Variants in SV2C observed in about 807,000 individuals in gnomAD.
SV2C encodes solute carrier family 22 member B3.
A neutral mutation model predicts 79.7 loss-of-function variants in SV2C; 49 were observed. The ratio of observed to expected loss-of-function variants is 0.61; its 90% CI spans 0.49 to 0.78. SV2C has a LOEUF of 0.78. Among genes scored for constraint, SV2C ranks in the 30% least tolerant of loss-of-function variants. The pLI is 0.00. For synonymous variants in SV2C, 334 were observed against 333.2 expected, an observed-to-expected ratio of 1.00 and a Z score of -0.03; for missense variants, 833 against 912.9, an observed-to-expected ratio of 0.91 and a Z score of 1.13.
the SV2C span, among the ~76,000 whole-genome samples, chr5:76,058,991 C>T: frequency 2.0e-5 from 3 of 152,032 alleles, no homozygotes; most frequent in African/African-American, 4.8e-5. Context: ...GAATCACGTA[C>T]ATTTTTTGGT....
At chr5:76,296,065 A>AT (rs1215235308) in intron 9 of SV2C, 123 bp downstream of exon 9, 1 of 898,274 alleles carries the variant, frequency 1.1e-6, no homozygotes, top group African/African-American at 1.7e-5. Context: ...ACATTTAGTC[A>AT]TTTTCATGAT....
chr5:75,934,302 C>CTTT, the SV2C span, among the ~76,000 whole-genome samples: 89 of 107,832 alleles, frequency 8.3e-4, 6 homozygotes, highest in Middle Eastern at 4.9e-3. Context: ...TTCTTTCTTT[C>CTTT]TTTTTTTTTT....
chr5:76,241,840 T>C (rs1233401447), intron 4 of SV2C, among the ~76,000 whole-genome samples: 1 of 152,210 alleles, frequency 6.6e-6, no homozygotes, highest in African/African-American at 2.4e-5. Flanking sequence ...GGAGACATTC[T>C]ATTAGCGACA....
At chr5:75,882,720 C>T in the SV2C span, among the ~76,000 whole-genome samples, 2 of 151,890 alleles carry the variant, frequency 1.3e-5, no homozygotes, top group Non-Finnish European at 2.9e-5. Flanking sequence ...AAACTGGATC[C>T]CTTCCTTACA....
the SV2C span, among the ~76,000 whole-genome samples, chr5:75,878,772 C>T: frequency 0.023 from 3,434 of 152,184 alleles, 136 homozygotes; most frequent in African/African-American, 0.075. Flanking sequence ...TGCTGAGTTC[C>T]GATCCTCACT....
Position 76,301,448 on chromosome 5 carries a change from A to G in SV2C, c.1903A>G (p.Met635Val), listed in dbSNP as rs757781864. The G allele has an allele frequency of 6.2e-7, 1 of 1,614,102 alleles. No individual in the cohort carries two copies. The highest frequency in any genetic ancestry group is 1.7e-5 in the Admixed American group (1 of 60,028). Residue 635 changes from methionine to valine, a missense_variant, in exon 12 of 13, where the codon ATG becomes GTG. Transcript: ENST00000502798. ...FFLWFGTSESMMIGMLCLYNG... is the reference protein window; with the variant it reads ...FFLWFGTSESVMIGMLCLYNG... ...CCTTTGGTTCGGCACCAGTGAATCC[A>G]TGATGATAGGCATGCTGTGTCTGTA...
the SV2C span, among the ~76,000 whole-genome samples, chr5:76,033,253 T>G: frequency 5.3e-4 from 80 of 151,892 alleles, no homozygotes; most frequent in East Asian, 7.3e-3. Context: ...TTAGTTTAAT[T>G]AGATCCCATT....
chr5:75,855,840 T>C, the SV2C span, among the ~76,000 whole-genome samples: 1 of 152,196 alleles, frequency 6.6e-6, no homozygotes, highest in Non-Finnish European at 1.5e-5. Context: ...AAATGGACAA[T>C]TAAATTATTA....
chr5:76,278,249 A>C (rs1451078141), intron 4 of SV2C, among the ~76,000 whole-genome samples: 1 of 151,832 alleles, frequency 6.6e-6, no homozygotes, highest in Non-Finnish European at 1.5e-5. Flanking sequence ...GGTCTTGATG[A>C]GTGGGAAAAG....
intron 4 of SV2C, 27 bp from the exon 5 acceptor site, chr5:76,285,135 C>T (rs1396797257): frequency 3.1e-6 from 5 of 1,612,290 alleles, no homozygotes; most frequent in African/African-American, 2.7e-5. Flanking sequence ...GGAGCTCTCC[C>T]TCACTCTCCG....
chr5:76,325,140 AAG>A (rs538795690), intron 12 of SV2C, among the ~76,000 whole-genome samples: 1 of 152,220 alleles, frequency 6.6e-6, no homozygotes, highest in Non-Finnish European at 1.5e-5. Flanking sequence ...CAGGCAGAGT[AAG>A]AGTCAATGGA....
chr5:76,032,558 C>G, the SV2C span, among the ~76,000 whole-genome samples: 1 of 152,180 alleles, frequency 6.6e-6, no homozygotes, highest in South Asian at 2.1e-4. Context: ...TCATCCATGT[C>G]CCTACAAAGG....
the SV2C span, among the ~76,000 whole-genome samples, chr5:75,925,213 A>G: frequency 6.6e-6 from 1 of 152,180 alleles, no homozygotes; most frequent in Admixed American, 6.5e-5. Flanking sequence ...GTCTGTTCCC[A>G]GTGGGCAGTA....
the SV2C span, among the ~76,000 whole-genome samples, chr5:76,027,143 C>A: frequency 1.4e-5 from 2 of 146,630 alleles, no homozygotes; most frequent in Non-Finnish European, 3.0e-5. Flanking sequence ...CTCACTGCAA[C>A]CTCCACCTCC....
chr5:76,249,182 AC>A (rs1746036924), intron 4 of SV2C, among the ~76,000 whole-genome samples: 1 of 152,216 alleles, frequency 6.6e-6, no homozygotes, highest in Admixed American at 6.5e-5. Flanking sequence ...GGAAGTATAC[AC>A]ACAGAAGTTC....
At chr5:76,286,049 G>A in intron 6 of SV2C, 179 bp downstream of exon 6, 1 of 545,840 alleles carries the variant, frequency 1.8e-6, no homozygotes, top group Admixed American at 3.6e-5. Flanking sequence ...GGATGACTGT[G>A]TGTCAATAAA....
intron 4 of SV2C, among the ~76,000 whole-genome samples, chr5:76,282,639 T>TG (rs1747232442): frequency 6.6e-6 from 1 of 152,238 alleles, no homozygotes; most frequent in Non-Finnish European, 1.5e-5. Flanking sequence ...TTCTGGGACT[T>TG]GGTGACCATT....
intron 12 of SV2C, among the ~76,000 whole-genome samples, chr5:76,352,212 T>TAAAACAAAAC: frequency 6.6e-6 from 1 of 151,948 alleles, no homozygotes; most frequent in African/African-American, 2.4e-5. Context: ...GACTCTGTCT[T>TAAAACAAAAC]AAAACAAAAC....
intron 4 of SV2C, among the ~76,000 whole-genome samples, chr5:76,227,239 G>A (rs910948829): frequency 5.9e-5 from 9 of 152,198 alleles, no homozygotes; most frequent in African/African-American, 2.2e-4. Context: ...ACCCCATAGT[G>A]AACAAGCAGC....
Sources: gnomAD v4.1 joint callset for allele counts (sites outside exome capture counted in the v4.1 genomes callset) on GRCh38, gnomAD v4.1.1 for gene constraint, MANE v1.5 for transcripts, NCBI Gene and HGNC (gene_info 2026-07-23, HGNC 2026-07-21) for gene names.